Variants in SNX25 observed in about 807,000 individuals in gnomAD.
The protein encoded by SNX25 is sorting nexin 25.
Under a neutral mutation model 113.7 loss-of-function variants are expected in SNX25, and 62 were observed. That is an observed-to-expected ratio of 0.55 (90% confidence interval 0.44 to 0.67). The LOEUF (loss-of-function observed/expected upper bound fraction) is 0.67, where lower values mean the gene tolerates loss of function less well. Among genes scored for constraint, SNX25 ranks in the 30% least tolerant of loss-of-function variants. SNX25 has a pLI of 0.00. For missense variants in SNX25, 1,014 were observed against 1,161.0 expected (o/e 0.87, Z 1.84); for synonymous variants, 421 against 436.2 (o/e 0.97, Z 0.43).
At chr4:185,223,191 GGAATCAC>G (rs1740269100) in intron 1 of SNX25, among the ~76,000 whole-genome samples, 5 of 152,034 alleles carry the variant, frequency 3.3e-5, no homozygotes, top group Admixed American at 6.6e-5. Flanking sequence ...TGACTTTATA[GGAATCAC>G]TTCCTTGCAT....
At chr4:185,220,803 TCTC>T (rs1303456691) in intron 1 of SNX25, among the ~76,000 whole-genome samples, 1 of 152,024 alleles carries the variant, frequency 6.6e-6, no homozygotes, top group East Asian at 1.9e-4. Flanking sequence ...CTTGACATCT[TCTC>T]CTTATACCCC....
chr4:185,291,831 C>T (rs1030101393), intron 6 of SNX25, among the ~76,000 whole-genome samples: 8 of 152,150 alleles, frequency 5.3e-5, no homozygotes, highest in East Asian at 3.8e-4. Context: ...TTGATCACGT[C>T]GGCAAAGACC....
chr4:185,209,709 G>T lies in SNX25; in HGVS notation c.-118G>T, dbSNP rs1737436755. On this transcript the variant is annotated 5_prime_UTR_variant, in exon 1 of 19. Coordinates refer to ENST00000652585, the MANE Select transcript of SNX25 (RefSeq NM_001378034.2). The surrounding 1 kb of genome is among the most constrained non-coding windows in gnomAD (Gnocchi z 5.2). ...GAGGGGCCCGGCGGCGTCTGCGGGG[G>T]CCGCTCCCTCGGTGGGCCGCGGGCG... The T allele has an allele frequency of 2.6e-5, 26 of 982,874 alleles. No homozygotes were observed. The highest frequency in any genetic ancestry group is 2.4e-4 in the South Asian group (5 of 21,246). The allele number at this position is 982,874 out of a possible 1,614,324, so 60.9% of individuals were successfully genotyped here.
At chr4:185,217,975 G>A (rs1298146505) in intron 1 of SNX25, among the ~76,000 whole-genome samples, 1 of 152,178 alleles carries the variant, frequency 6.6e-6, no homozygotes, top group Non-Finnish European at 1.5e-5. Context: ...TAGGTTGCTT[G>A]GTTGAATGGG....
chr4:185,362,449 A>G (rs1018654492), intron 17 of SNX25, 162 bp from the exon 18 acceptor site: 2 of 809,564 alleles, frequency 2.5e-6, no homozygotes, highest in Non-Finnish European at 1.5e-6. Context: ...CTTATGTTGA[A>G]ACATTCTTTC....
chr4:185,376,381 G>A, the SNX25 span, among the ~76,000 whole-genome samples: 1 of 151,302 alleles, frequency 6.6e-6, no homozygotes, highest in African/African-American at 2.4e-5. Context: ...GGGTTCAAGC[G>A]ATTCTCTGCC....
intron 9 of SNX25, among the ~76,000 whole-genome samples, chr4:185,325,031 T>C (rs1027526000): frequency 6.6e-6 from 1 of 152,200 alleles, no homozygotes; most frequent in Admixed American, 6.5e-5. Flanking sequence ...AGGAATGGGA[T>C]CACCAATGCT....
At chr4:185,339,333 A>T in intron 10 of SNX25, 46 bp from the exon 11 acceptor site, 1 of 1,581,578 alleles carries the variant, frequency 6.3e-7, no homozygotes, top group Non-Finnish European at 8.7e-7. Flanking sequence ...TGAATTGCAT[A>T]GTTTTAAGTG....
chr4:185,287,975 C>G (rs772893021), intron 5 of SNX25, 37 bp from the exon 6 acceptor site: 5 of 1,512,968 alleles, frequency 3.3e-6, no homozygotes, highest in Non-Finnish European at 4.6e-6. Context: ...TATTTTCTTC[C>G]TCTTAAATCT....
chr4:185,259,385 A>G (rs1436175963), intron 3 of SNX25, among the ~76,000 whole-genome samples: 1 of 152,222 alleles, frequency 6.6e-6, no homozygotes, highest in African/African-American at 2.4e-5. Flanking sequence ...TAATATGAAC[A>G]GTGTGAATGA....
chr4:185,271,098 G>A (rs1017486787), intron 5 of SNX25, among the ~76,000 whole-genome samples: 4 of 152,192 alleles, frequency 2.6e-5, no homozygotes, highest in African/African-American at 9.7e-5. Context: ...CTGCCAAGGA[G>A]TGATGGGACA....
exon 12 of SNX25, chr4:185,369,854 C>T (rs186154503): frequency 5.0e-6 from 2 of 401,782 alleles, no homozygotes; most frequent in East Asian, 7.7e-5. Flanking sequence ...GTGATTTTAA[C>T]ATGCAGAGAA....
At chr4:185,272,242 G>T (rs550630132) in intron 5 of SNX25, among the ~76,000 whole-genome samples, 1 of 152,296 alleles carries the variant, frequency 6.6e-6, no homozygotes, top group African/African-American at 2.4e-5. Context: ...GGTGAGGGAT[G>T]CCACAATCAA....
chr4:185,258,631 G>A (rs935970770), intron 2 of SNX25, among the ~76,000 whole-genome samples: 1 of 152,128 alleles, frequency 6.6e-6, no homozygotes, highest in African/African-American at 2.4e-5. Context: ...GGGCTCTGTA[G>A]GAAAATTTAG....
rs567948240 is a variant in SNX25, at chr4:185,238,620, A to T, written c.430-8674A>T. Among the ~76,000 whole-genome samples, 4 of 152,190 alleles carry T rather than the reference A, an allele frequency of 2.6e-5. No homozygotes were observed. The South Asian group carries it at 8.3e-4, about 32-fold the overall frequency. On this transcript the variant is annotated intron_variant, in intron 1 of 18. Coordinates refer to ENST00000652585, the MANE Select transcript of SNX25 (RefSeq NM_001378034.2). The stretch of plus-strand genomic sequence containing the variant: ...TCAGATGCTGCATATACTTGGAGAG[A>T]CTCAGCCATGGGACGGCTCCATGTG...
intron 15 of SNX25, among the ~76,000 whole-genome samples, chr4:185,356,288 A>G (rs2095338707): frequency 1.3e-5 from 2 of 152,148 alleles, no homozygotes; most frequent in South Asian, 2.1e-4. Context: ...AGGGACCAGT[A>G]ATACCCCTGG....
chr4:185,240,995 T>G, intron 1 of SNX25, among the ~76,000 whole-genome samples: 1 of 133,676 alleles, frequency 7.5e-6, no homozygotes, highest in Non-Finnish European at 1.6e-5. Flanking sequence ...CTTTCCAGAC[T>G]GGGCAGCCAG....
chr4:185,212,881 A>G (rs994144199), intron 1 of SNX25, among the ~76,000 whole-genome samples: 1 of 152,148 alleles, frequency 6.6e-6, no homozygotes, highest in African/African-American at 2.4e-5. Flanking sequence ...TTATCCTTAT[A>G]TATTTTGAGT....
intron 6 of SNX25, among the ~76,000 whole-genome samples, chr4:185,289,918 G>C (rs139015127): frequency 6.6e-6 from 1 of 152,320 alleles, no homozygotes; most frequent in African/African-American, 2.4e-5. Context: ...TTTTCTCACA[G>C]TTCTGGAGGC....
Sources: gnomAD v4.1 joint callset for allele counts (sites outside exome capture counted in the v4.1 genomes callset) on GRCh38, gnomAD v4.1.1 for gene constraint, Gnocchi (gnomAD v3.1) non-coding constraint, MANE v1.5 for transcripts, NCBI Gene and HGNC (gene_info 2026-07-23, HGNC 2026-07-21) for gene names.